CCDC40: variants seen among roughly 807,000 people sequenced by gnomAD.
The protein encoded by CCDC40 is coiled-coil domain-containing protein 40.
In CCDC40, 104 loss-of-function variants were observed where a neutral mutation model predicts 124.5. The ratio of observed to expected loss-of-function variants is 0.84; its 90% confidence interval spans 0.71 to 0.98. The LOEUF (loss-of-function observed/expected upper bound fraction) is 0.98. Among genes scored for constraint, CCDC40 ranks in the 50% least tolerant of loss-of-function variants. The pLI is 0.00. For synonymous variants in CCDC40, 580 were observed against 602.9 expected, an observed-to-expected ratio of 0.96 and a Z score of 0.56; for missense variants, 1,463 against 1,503.9, an observed-to-expected ratio of 0.97 and a Z score of 0.45.
intron 10 of CCDC40, among the ~76,000 whole-genome samples, chr17:80,069,201 A>G (rs2038127048): frequency 6.6e-6 from 1 of 151,720 alleles, no homozygotes; most frequent in Non-Finnish European, 1.5e-5. Flanking sequence ...CGAGTCTACA[A>G]CCTAATGCTT....
intron 18 of CCDC40, among the ~76,000 whole-genome samples, chr17:80,096,388 A>C (rs4889960): frequency 0.72 from 109,546 of 152,164 alleles, 39,754 homozygotes; most frequent in Middle Eastern, 0.86. Flanking sequence ...GCAGACATGC[A>C]TGGGCTGCTC....
At chr17:80,092,720 C>T (rs1412022780) in intron 17 of CCDC40, among the ~76,000 whole-genome samples, 1 of 152,122 alleles carries the variant, frequency 6.6e-6, no homozygotes, top group Non-Finnish European at 1.5e-5. Context: ...AAAGGATCCT[C>T]CTGCCTGGGC....
chr17:80,075,738 C>G (rs2038296462), intron 10 of CCDC40, among the ~76,000 whole-genome samples: 1 of 152,210 alleles, frequency 6.6e-6, no homozygotes, highest in Non-Finnish European at 1.5e-5. Context: ...CTCGGCCTCC[C>G]AAAGTGCTGA....
chr17:80,083,472 A>C (rs9911126), intron 12 of CCDC40, among the ~76,000 whole-genome samples: 1 of 152,032 alleles, frequency 6.6e-6, no homozygotes, highest in Admixed American at 6.5e-5. Flanking sequence ...TGGGGTAGGC[A>C]GGAGCCACAG....
chr17:80,065,426 G>C, intron 9 of CCDC40, 59 bp from the exon 10 acceptor site: 1 of 1,610,342 alleles, frequency 6.2e-7, no homozygotes. Flanking sequence ...GGTGTTCTTG[G>C]GCTTTGCTCG....
At position 80,036,708 on chromosome 17, in the gene CCDC40, G is replaced by A. The variant is rs776665408; in HGVS notation, c.29+17G>A. The A allele has an allele frequency of 2.0e-6, 3 of 1,465,044 alleles. No homozygotes were observed. Among genetic ancestry groups the A allele is most frequent in the East Asian group, 2.8e-5 (1 of 35,214 alleles). 90.8% of individuals were successfully genotyped at this position (1,465,044 alleles called of 1,614,324 possible). A position where few individuals can be genotyped will look rare whatever the true frequency, so the allele number is the denominator to read the frequency against. On this transcript the variant is annotated intron_variant, in intron 1 of 19. Transcript: ENST00000397545. ...GGCGGGCCGGTAAGCCGGGCCGAGG[G>A]GCAGCGGGTCTTGGAGTCGCCAGGC...
intron 3 of CCDC40, among the ~76,000 whole-genome samples, chr17:80,046,847 T>C (rs2037432671): frequency 6.6e-6 from 1 of 152,116 alleles, no homozygotes; most frequent in Non-Finnish European, 1.5e-5. Flanking sequence ...TTTAACTTTA[T>C]TTATTTATTT....
At chr17:80,061,111 C>T (rs7208452) in intron 9 of CCDC40, among the ~76,000 whole-genome samples, 14 of 152,182 alleles carry the variant, frequency 9.2e-5, no homozygotes, top group African/African-American at 2.2e-4. Flanking sequence ...TTTGGGAGGC[C>T]GAGGCCGCTG....
At chr17:80,043,610 T>TTTC (rs1401725153) in intron 3 of CCDC40, among the ~76,000 whole-genome samples, 1 of 150,158 alleles carries the variant, frequency 6.7e-6, no homozygotes, top group Non-Finnish European at 1.5e-5. Context: ...TCTTCCTTTT[T>TTTC]TTTTTTTTTT....
intron 9 of CCDC40, among the ~76,000 whole-genome samples, chr17:80,059,259 T>A (rs974643527): frequency 6.6e-6 from 1 of 152,202 alleles, no homozygotes; most frequent in Admixed American, 6.5e-5. Context: ...GCCAGCTTGC[T>A]GCGGGGATGC....
intron 17 of CCDC40, chr17:80,090,842 T>C (rs2038710161): frequency 8.6e-7 from 1 of 1,161,614 alleles, no homozygotes; most frequent in Non-Finnish European, 1.1e-6. Flanking sequence ...CTCTGCTGAG[T>C]TATTTTTCAG....
At chr17:80,088,522 G>A (rs2143756155) in intron 16 of CCDC40, 2 of 293,126 alleles carry the variant, frequency 6.8e-6, no homozygotes, top group Admixed American at 4.7e-5. Flanking sequence ...AAAGCGCTGG[G>A]ATTACATTCA....
intron 10 of CCDC40, among the ~76,000 whole-genome samples, chr17:80,069,738 G>C (rs969991173): frequency 2.9e-4 from 44 of 152,062 alleles, no homozygotes; most frequent in South Asian, 2.1e-4. Flanking sequence ...GTGACAGAGC[G>C]AGACTTCGTC....
At chr17:80,095,070 G>C (rs1030123514) in intron 17 of CCDC40, among the ~76,000 whole-genome samples, 193 bp from the exon 18 acceptor site, 3 of 152,196 alleles carry the variant, frequency 2.0e-5, no homozygotes, top group Non-Finnish European at 4.4e-5. Flanking sequence ...CTGTCTGCCT[G>C]TGGATTCCGG....
chr17:80,047,808 T>A (rs933106924), intron 4 of CCDC40, among the ~76,000 whole-genome samples: 2 of 152,160 alleles, frequency 1.3e-5, no homozygotes, highest in African/African-American at 4.8e-5. Flanking sequence ...GTCTGCTGGC[T>A]TTCAAAGGCT....
At chr17:80,047,479 C>T in intron 4 of CCDC40, 77 bp downstream of exon 4, 1 of 1,476,356 alleles carries the variant, frequency 6.8e-7, no homozygotes, top group Non-Finnish European at 9.3e-7. Context: ...AGGGATGCCA[C>T]TCGTTTGTCA....
intron 10 of CCDC40, 143 bp downstream of exon 10, chr17:80,065,749 G>T: frequency 9.0e-7 from 1 of 1,114,216 alleles, no homozygotes. Context: ...CTTCCGTCCG[G>T]AAAGCTCCCT....
chr17:80,065,614 A>C lies in CCDC40; in HGVS notation c.1562+8A>C, dbSNP rs1208412372. On this transcript the variant is annotated splice_region_variant and intron_variant, in intron 10 of 19. Transcript: ENST00000397545. ...GGTGCTGGAGGCGCTCAGGTACTGC[A>C]GGGCCACAGGCAGCGAGGATGTGCG... The C allele has an allele frequency of 3.1e-6, 5 of 1,611,982 alleles. No individual in the cohort carries two copies. The highest frequency in any genetic ancestry group is 3.4e-6 in the Non-Finnish European group (4 of 1,179,836).
chr17:80,096,927 C>G (rs1482355797), intron 18 of CCDC40, among the ~76,000 whole-genome samples: 5 of 152,268 alleles, frequency 3.3e-5, no homozygotes, highest in African/African-American at 1.2e-4. Flanking sequence ...CCCTTACAGC[C>G]TCAGCCCTGC....
Sources: gnomAD v4.1 joint callset for allele counts (sites outside exome capture counted in the v4.1 genomes callset) on GRCh38, gnomAD v4.1.1 for gene constraint, MANE v1.5 for transcripts, NCBI Gene and HGNC (gene_info 2026-07-23, HGNC 2026-07-21) for gene names.